Variants in UMODL1 observed in about 807,000 individuals in gnomAD.
UMODL1 encodes uromodulin like 1.
In UMODL1, 128 loss-of-function variants were observed where a neutral mutation model predicts 136.3. The observed-to-expected ratio is 0.94, with a 90% CI of 0.81 to 1.09. The LOEUF is 1.09. Ranked by LOEUF, UMODL1 falls within the 50% of genes least tolerant of loss-of-function variation. UMODL1 has a pLI of 0.00. For missense variants in UMODL1, 1,766 were observed against 1,725.6 expected, an observed-to-expected ratio of 1.02 and a Z score of -0.41; for synonymous variants, 721 against 720.0, an observed-to-expected ratio of 1.00 and a Z score of -0.02.
In UMODL1 at chr21:42,076,228, C is replaced by T. The variant is rs535556241; in HGVS notation, c.300C>T (p.Leu100=). The T allele has an allele frequency of 2.1e-5, 34 of 1,614,098 alleles. No homozygotes were observed. Among genetic ancestry groups the T allele is most frequent in the African/African-American group, 1.6e-4 (12 of 74,938 alleles). The stretch of plus-strand genomic sequence containing the variant: ...ACTGCTGTGAGGGCTATGAACAGCT[C>T]GGCCTCTACTGTGTCTTGCGTGAGT... ...VTDCCEGYEQ[L]GLYCVLPLNQ... is the part of the protein sequence containing the mutation. The change falls in exon 2 of 23, where the codon CTC becomes CTT. Residue 100 remains leucine, a synonymous_variant. Coordinates refer to ENST00000408910, the MANE Select transcript of UMODL1 (RefSeq NM_001004416.3).
intron 22 of UMODL1, among the ~76,000 whole-genome samples, chr21:42,141,431 A>G (rs2067279922): frequency 6.6e-6 from 1 of 152,196 alleles, no homozygotes; most frequent in Non-Finnish European, 1.5e-5. Flanking sequence ...ACCTCCCTAG[A>G]TAGAGTTACG....
upstream of UMODL1, among the ~76,000 whole-genome samples, chr21:42,066,977 CT>C (rs34685798): frequency 0.72 from 95,849 of 132,648 alleles, 34,645 homozygotes; most frequent in Admixed American, 0.81. Context: ...TTTTTTCTTT[CT>C]TTTTTTTTTT....
intron 5 of UMODL1, among the ~76,000 whole-genome samples, chr21:42,089,162 C>A (rs2066462063): frequency 6.6e-6 from 1 of 152,156 alleles, no homozygotes; most frequent in Non-Finnish European, 1.5e-5. Flanking sequence ...AGTCCGCAAG[C>A]AAACCCCTGG....
intron 6 of UMODL1, among the ~76,000 whole-genome samples, chr21:42,095,157 C>T (rs1306057690): frequency 7.7e-6 from 1 of 129,478 alleles, no homozygotes; most frequent in African/African-American, 2.8e-5. Flanking sequence ...TACAGTGGCA[C>T]AGTCTCGGCT....
intron 22 of UMODL1, among the ~76,000 whole-genome samples, chr21:42,139,930 C>T (rs116326139): frequency 1.8e-4 from 28 of 152,082 alleles, no homozygotes; most frequent in Admixed American, 1.2e-3. Flanking sequence ...CTTCCACAAG[C>T]GGGTGGCGTT....
At chr21:42,065,614 T>C (rs999209356) in intron 1 of UMODL1, among the ~76,000 whole-genome samples, 1 of 151,756 alleles carries the variant, frequency 6.6e-6, no homozygotes, top group Non-Finnish European at 1.5e-5. Context: ...CTTGGCTCAC[T>C]GCAACCTCCG....
In UMODL1 at chr21:42,123,171, C is replaced by A; in HGVS notation, c.3147+21C>A. ...AGAGCGTAAGACCAGGAGAGCCAGG[C>A]TCAGGATGTACACTAGGGCGCAAGG... On this transcript the variant is annotated intron_variant, in intron 17 of 22. Coordinates refer to ENST00000408910, the MANE Select transcript of UMODL1 (RefSeq NM_001004416.3). The surrounding 1 kb of genome is among the most constrained non-coding windows in gnomAD (Gnocchi z 4.4). 2.5e-6 allele frequency: 4 copies of A among 1,596,630 alleles called. No homozygotes were observed. The highest frequency in any genetic ancestry group is 2.2e-5 in the East Asian group (1 of 44,676).
chr21:42,129,012 C>G (rs1334244604), intron 20 of UMODL1, among the ~76,000 whole-genome samples: 1 of 151,988 alleles, frequency 6.6e-6, no homozygotes, highest in Non-Finnish European at 1.5e-5. Context: ...AGGCCTCTCT[C>G]CCAGCTTCTG....
chr21:42,063,554 T>C lies in UMODL1; in HGVS notation c.-141+340T>C, dbSNP rs191509381. Among the ~76,000 whole-genome samples the C allele has an allele frequency of 5.1e-3, 777 of 152,344 alleles. 6 individuals are homozygous for C. Among genetic ancestry groups the C allele is most frequent in the African/African-American group, 0.018 (740 of 41,576 alleles). The stretch of plus-strand genomic sequence containing the variant: ...CAAATGTGGTGAAGGTCCTTCCTCC[T>C]GAGCGATGCCTTAGACCCAGGAGCC... On this transcript the variant is annotated intron_variant, in intron 1 of 22. Coordinates refer to the UMODL1 transcript ENST00000400424.
intron 10 of UMODL1, 74 bp from the exon 11 acceptor site, chr21:42,110,806 A>G: frequency 2.8e-6 from 4 of 1,411,446 alleles, no homozygotes; most frequent in Middle Eastern, 1.8e-4. Flanking sequence ...CTGGACGGCC[A>G]TGCTGCCCTC....
At position 42,076,349 on chromosome 21, in the gene UMODL1, C is replaced by T. The variant is rs987923888; in HGVS notation, c.319+102C>T. On this transcript the variant is annotated intron_variant, in intron 2 of 22. Coordinates refer to ENST00000408910, the MANE Select transcript of UMODL1 (RefSeq NM_001004416.3). Reference sequence around the variant, plus strand: ...TCCATTGGCCCCGAACTTGCTAGATCTTCCAGGAGCACGGCTCCCAGCCTT... The same window carrying T: ...TCCATTGGCCCCGAACTTGCTAGATTTTCCAGGAGCACGGCTCCCAGCCTT... 2.6e-6 allele frequency: 4 copies of T among 1,542,340 alleles called. No homozygotes were observed. The African/African-American group carries it at 4.1e-5, about 16-fold the overall frequency.
intron 21 of UMODL1, among the ~76,000 whole-genome samples, chr21:42,130,222 G>A (rs6586297): frequency 5.1e-5 from 1 of 19,582 alleles, no homozygotes; most frequent in Non-Finnish European, 1.9e-4. Flanking sequence ...CCATGTCAAC[G>A]TGTGTGTGTG....
rs140832108 is a variant in UMODL1 at position 42,118,631 on chromosome 21, G to A, written c.2476-480G>A. Among the ~76,000 whole-genome samples the A allele has an allele frequency of 3.4e-3, 522 of 152,266 alleles. 2 individuals are homozygous for A. The highest frequency in any genetic ancestry group is 0.014 in the Middle Eastern group (4 of 294). ...CAGTCTGGGGAGAGGTAGGGAGGAA[G>A]AATGAAAGGGGACATGTTCTGCAGT... On this transcript the variant is annotated intron_variant, in intron 14 of 22. Coordinates refer to ENST00000408910, the MANE Select transcript of UMODL1 (RefSeq NM_001004416.3).
At chr21:42,114,938 A>C (rs2066883630) in intron 13 of UMODL1, among the ~76,000 whole-genome samples, 2 of 152,228 alleles carry the variant, frequency 1.3e-5, no homozygotes, top group Non-Finnish European at 2.9e-5. Context: ...GATGGCTTTC[A>C]GACTGGGTTG....
At chr21:42,093,104 AAGAGTTGGGT>A (rs1369385239) in intron 6 of UMODL1, among the ~76,000 whole-genome samples, 2 of 152,276 alleles carry the variant, frequency 1.3e-5, no homozygotes, top group Non-Finnish European at 2.9e-5. Context: ...GCTTAGGACC[AAGAGTTGGGT>A]AGAGCTCCAG....
intron 17 of UMODL1, among the ~76,000 whole-genome samples, chr21:42,124,667 C>T (rs2067027996): frequency 6.6e-6 from 1 of 151,988 alleles, no homozygotes; most frequent in Admixed American, 6.5e-5. Context: ...AGAAGGCTCT[C>T]CTAATGGGGA....
At chr21:42,066,801 T>G (rs926244785), upstream of UMODL1, among the ~76,000 whole-genome samples, 9 of 152,348 alleles carry the variant, frequency 5.9e-5, 1 homozygote, top group Admixed American at 1.3e-4. Flanking sequence ...CGCATGCAGT[T>G]AGTTGTACCT....
intron 17 of UMODL1, among the ~76,000 whole-genome samples, chr21:42,125,408 T>A (rs2067038705): frequency 6.6e-6 from 1 of 152,136 alleles, no homozygotes; most frequent in African/African-American, 2.4e-5. Flanking sequence ...AGCACAAGCT[T>A]GCCTGGGAGG....
intron 22 of UMODL1, among the ~76,000 whole-genome samples, chr21:42,141,662 T>A (rs551781449): frequency 2.0e-5 from 3 of 152,308 alleles, no homozygotes; most frequent in Admixed American, 2.0e-4. Context: ...TCTCACCAGT[T>A]CTAAAGTTCC....
Sources: allele counts gnomAD v4.1 joint callset (sites outside exome capture counted in the v4.1 genomes callset), GRCh38; gene constraint gnomAD v4.1.1; non-coding constraint Gnocchi (gnomAD v3.1); transcripts MANE v1.5; gene names NCBI Gene and HGNC (gene_info 2026-07-23, HGNC 2026-07-21).